PUDP: variants seen among roughly 807,000 people sequenced by gnomAD.
PUDP encodes the protein pseudouridine-5'-phosphatase.
PUDP carries 8 observed loss-of-function variants against 9.4 expected under a neutral mutation model. The ratio of observed to expected loss-of-function variants is 0.85; its 90% CI spans 0.50 to 1.53. PUDP has a LOEUF of 1.53. PUDP is among the 40% of genes most tolerant of loss of function. The pLI is 0.00. For synonymous variants in PUDP, 99 were observed against 80.7 expected (o/e 1.23, Z -1.22); for missense variants, 188 against 189.7 (o/e 0.99, Z 0.05).
At chrX:6,876,639 ATGTGTGTG>A (rs111935866) in intron 3 of PUDP, among the ~76,000 whole-genome samples, 94 of 92,809 alleles carry the variant, frequency 1.0e-3, no homozygotes, top group African/African-American at 2.4e-3. Context: ...CTAAAATGTT[ATGTGTGTG>A]TGTGTGTGTG....
intron 2 of PUDP, among the ~76,000 whole-genome samples, chrX:7,078,124 C>T (rs895919812): frequency 6.3e-5 from 7 of 111,770 alleles, no homozygotes; most frequent in South Asian, 3.7e-4. Context: ...ATTAGCCACA[C>T]GGATTAACTA....
chrX:6,888,009 C>G (rs1160687412), intron 3 of PUDP, among the ~76,000 whole-genome samples: 1 of 111,819 alleles, frequency 8.9e-6, no homozygotes, highest in African/African-American at 3.2e-5. Context: ...TGACACCCAT[C>G]TATAGTCAGT....
intron 2 of PUDP, among the ~76,000 whole-genome samples, chrX:7,088,868 G>A (rs1203299501): frequency 8.9e-6 from 1 of 111,911 alleles, no homozygotes; most frequent in Non-Finnish European, 1.9e-5. Flanking sequence ...GTGCCTCTGT[G>A]ACAACCTGCA....
At chrX:6,713,646 A>G (rs959864789) in intron 1 of PUDP, among the ~76,000 whole-genome samples, 2 of 109,217 alleles carry the variant, frequency 1.8e-5, no homozygotes, top group Non-Finnish European at 3.8e-5. Context: ...GTGGAGGAAC[A>G]TCTATGTATC....
intron 3 of PUDP, among the ~76,000 whole-genome samples, chrX:6,824,325 CTG>C (rs1391031124): frequency 8.9e-6 from 1 of 111,876 alleles, no homozygotes; most frequent in Non-Finnish European, 1.9e-5. Context: ...TCATGCTTAA[CTG>C]TGAGTCAATG....
chrX:6,845,707 C>A (rs929240813), intron 3 of PUDP, among the ~76,000 whole-genome samples: 2 of 112,345 alleles, frequency 1.8e-5, no homozygotes, highest in African/African-American at 6.5e-5. Context: ...CTTGAAAGGA[C>A]AGATTGAATA....
chrX:6,907,269 C>T (rs922340124), intron 3 of PUDP, among the ~76,000 whole-genome samples: 1 of 111,295 alleles, frequency 9.0e-6, no homozygotes, highest in Admixed American at 9.6e-5. Flanking sequence ...TGTTTGCTTC[C>T]CCTTCCAACA....
chrX:6,996,209 G>A (rs1294001355), intron 1 of PUDP, among the ~76,000 whole-genome samples: 1 of 112,056 alleles, frequency 8.9e-6, no homozygotes, highest in South Asian at 3.7e-4. Flanking sequence ...GCACACATTT[G>A]TGTTTCTTTA....
intron 3 of PUDP, among the ~76,000 whole-genome samples, chrX:6,775,514 C>CACACAT (rs1569096426): frequency 1.9e-3 from 82 of 43,556 alleles, no homozygotes; most frequent in African/African-American, 6.2e-3. Flanking sequence ...TACACACACA[C>CACACAT]ACACACACAC....
At chrX:6,714,548 G>C (rs972736932) in intron 1 of PUDP, among the ~76,000 whole-genome samples, 2 of 100,261 alleles carry the variant, frequency 2.0e-5, no homozygotes, top group East Asian at 5.9e-4. Flanking sequence ...ATGATATATA[G>C]ATATGATAGA....
rs779058057 is a variant in PUDP, at chrX:6,986,366, C to A, written c.205-8023G>T. Among the ~76,000 whole-genome samples, 5 of 111,733 alleles carry A rather than the reference C, an allele frequency of 4.5e-5. No individual in the cohort carries two copies. In the South Asian group the frequency reaches 1.9e-3, roughly 42 times the overall value. On this transcript the variant is annotated intron_variant and NMD_transcript_variant, in intron 1 of 3. Transcript: ENST00000655425. ...TAACAGCCCTACAAACCGCCCTCAG[C>A]GGGACCTTTCACGTTCACTGAGAAC...
chrX:6,727,632 A>C (rs1488668145), intron 3 of PUDP, among the ~76,000 whole-genome samples: 2 of 111,910 alleles, frequency 1.8e-5, no homozygotes, highest in African/African-American at 6.5e-5. Context: ...GTGGAGAAGA[A>C]ATAATTTTAA....
intron 3 of PUDP, among the ~76,000 whole-genome samples, chrX:6,876,838 T>C (rs1205358642): frequency 1.8e-5 from 2 of 111,185 alleles, no homozygotes; most frequent in Non-Finnish European, 3.8e-5. Context: ...CCTATAGACA[T>C]ATATACATAT....
chrX:6,733,224 TG>T (rs764258061), intron 3 of PUDP, among the ~76,000 whole-genome samples: 234 of 111,174 alleles, frequency 2.1e-3, no homozygotes, highest in Non-Finnish European at 3.7e-3. Flanking sequence ...GGAGACGGTA[TG>T]GGGGAAAGGA....
intron 1 of PUDP, among the ~76,000 whole-genome samples, chrX:7,113,922 G>A (rs1396173762): frequency 1.8e-5 from 2 of 111,192 alleles, no homozygotes; most frequent in Admixed American, 9.5e-5. Flanking sequence ...ACAGTTATGG[G>A]GACTGAGAAG....
rs765624107 is a variant in PUDP, at chrX:6,793,023, C to A, written c.*248-86557G>T. Among the ~76,000 whole-genome samples, 55 of 112,456 alleles carry A rather than the reference C, an allele frequency of 4.9e-4. 1 individual carries two copies. The highest frequency in any genetic ancestry group is 9.4e-4 in the Non-Finnish European group (50 of 53,278). ...GTGCAGCTATAGCACTCACTCTGGA[C>A]TGGGTAATTTATAAAGAGTAGAAAT... On this transcript the variant is annotated intron_variant and NMD_transcript_variant, in intron 3 of 3. Transcript: ENST00000655425.
chrX:6,849,137 A>C (rs1168073509), intron 3 of PUDP, among the ~76,000 whole-genome samples: 1 of 111,505 alleles, frequency 9.0e-6, no homozygotes, highest in Non-Finnish European at 1.9e-5. Flanking sequence ...GTCAGTGTGA[A>C]GAATGTGACC....
intron 3 of PUDP, among the ~76,000 whole-genome samples, chrX:6,773,640 C>T (rs965013607): frequency 1.3e-4 from 14 of 110,932 alleles, no homozygotes; most frequent in African/African-American, 4.3e-4. Context: ...GTCATGGGAC[C>T]AAGTTGAGGA....
At chrX:7,060,383 G>A (rs1469089333) in intron 3 of PUDP, among the ~76,000 whole-genome samples, 13 of 112,224 alleles carry the variant, frequency 1.2e-4, no homozygotes, top group Non-Finnish European at 2.3e-4. Context: ...AAATTGTCTA[G>A]TAGTAGAATG....
Sources: allele counts gnomAD v4.1 joint callset (sites outside exome capture counted in the v4.1 genomes callset), GRCh38; gene constraint gnomAD v4.1.1; transcripts MANE v1.5; gene names NCBI Gene and HGNC (gene_info 2026-07-23, HGNC 2026-07-21).